TNKS1BP1: variants seen among roughly 807,000 people sequenced by gnomAD.
TNKS1BP1 encodes the protein CCR4-NOT transcription complex subunit 12, also known as 182 kDa tankyrase-1-binding protein.
Under a neutral mutation model 141.1 loss-of-function variants are expected in TNKS1BP1, and 48 were observed. The observed-to-expected ratio is 0.34, with a 90% CI of 0.27 to 0.43. TNKS1BP1 has a LOEUF of 0.43. TNKS1BP1 is among the 20% of genes least tolerant of loss of function. TNKS1BP1 has a pLI of 1.00. For synonymous variants in TNKS1BP1, 875 were observed against 898.2 expected, an observed-to-expected ratio of 0.97 and a Z score of 0.46; for missense variants, 2,149 against 2,226.0, an observed-to-expected ratio of 0.97 and a Z score of 0.70.
rs1222588314 is a variant in TNKS1BP1 at position 57,317,905 on chromosome 11, A to G, written c.729-18T>C. The G allele has an allele frequency of 6.2e-7, 1 of 1,611,692 alleles. No homozygotes were observed. The highest frequency in any genetic ancestry group is 2.2e-5 in the East Asian group (1 of 44,802). On this transcript the variant is annotated intron_variant, in intron 3 of 11. Coordinates refer to ENST00000358252, the MANE Select transcript of TNKS1BP1 (RefSeq NM_033396.3). ...GAAGGCTCCTGTGAGGGACGAGGAC[A>G]GGAAATGGAAGCACGGAATGTTAGA...
intron 6 of TNKS1BP1, among the ~76,000 whole-genome samples, chr11:57,307,333 A>G (rs1311392225): frequency 2.0e-5 from 3 of 152,032 alleles, no homozygotes; most frequent in East Asian, 3.9e-4. Context: ...GCAGTCCTCA[A>G]TGCAGCCTCA....
In TNKS1BP1 at chr11:57,309,382, C is replaced by T. The variant is rs779732394; in HGVS notation, c.3329G>A (p.Ser1110Asn). ...AAFSPGQQDW[S>N]RDFCIEASER... ...ACTGGCCTCGATGCAGAAGTCCCGGCTCCAGTCCTGCTGCCCTGGGCTAAA... is the reference window on the plus strand; with the variant it reads ...ACTGGCCTCGATGCAGAAGTCCCGGTTCCAGTCCTGCTGCCCTGGGCTAAA... The change falls in exon 6 of 12, where the codon AGC (serine) becomes AAC (asparagine). Residue 1110 changes from serine to asparagine, a missense_variant. Physicochemically the swap from Ser to Asn is conservative, Grantham distance 46. Coordinates refer to ENST00000358252, the MANE Select transcript of TNKS1BP1 (RefSeq NM_033396.3). This position sits in a 1 kb window ranked among gnomAD's most constrained non-coding sequence, Gnocchi z 4.3. 3 of 1,614,192 alleles carry T rather than the reference C, an allele frequency of 1.9e-6. No individual in the cohort carries two copies. The South Asian group carries it at 3.3e-5, about 18-fold the overall frequency.
chr11:57,322,039 CAG>C (rs1855895449), intron 1 of TNKS1BP1, 89 bp from the exon 2 acceptor site: 1 of 944,676 alleles, frequency 1.1e-6, no homozygotes, highest in Non-Finnish European at 1.4e-6. Context: ...CTAACAGAGG[CAG>C]AGTGTGGGAC....
Position 57,317,896 on chromosome 11 carries a change from G to T in TNKS1BP1, c.729-9C>A. On this transcript the variant is annotated splice_polypyrimidine_tract_variant and intron_variant, in intron 3 of 11. Transcript: ENST00000358252. ...GGTCGGAAGGAAGGCTCCTGTGAGGGACGAGGACAGGAAATGGAAGCACGG... is the reference window on the plus strand; with the variant it reads ...GGTCGGAAGGAAGGCTCCTGTGAGGTACGAGGACAGGAAATGGAAGCACGG... The T allele has an allele frequency of 1.2e-6, 2 of 1,613,392 alleles. No individual in the cohort carries two copies. The highest frequency in any genetic ancestry group is 1.7e-6 in the Non-Finnish European group (2 of 1,179,450).
In TNKS1BP1 at chr11:57,308,382, C is replaced by T. The variant is rs748376655; in HGVS notation, c.4316+13G>A. Reference sequence around the variant, plus strand: ...GTTCCCTCCCACACTTGGGATGGGGCTCCGTTCATTACCTTGCTCCGAAGC... The same window carrying T: ...GTTCCCTCCCACACTTGGGATGGGGTTCCGTTCATTACCTTGCTCCGAAGC... On this transcript the variant is annotated intron_variant, in intron 6 of 11. Coordinates refer to ENST00000358252, the MANE Select transcript of TNKS1BP1 (RefSeq NM_033396.3). The T allele has an allele frequency of 6.2e-7, 1 of 1,602,164 alleles. No individual in the cohort carries two copies. Among genetic ancestry groups the T allele is most frequent in the Non-Finnish European group, 8.5e-7 (1 of 1,171,740 alleles).
intron 6 of TNKS1BP1, among the ~76,000 whole-genome samples, chr11:57,306,916 T>TGGGG (rs1189050190): frequency 4.7e-3 from 54 of 11,372 alleles, no homozygotes; most frequent in Admixed American, 8.7e-3. Flanking sequence ...GGGGGGGGGT[T>TGGGG]GGGTGGGAGG....
rs762418585 is a variant in TNKS1BP1, at chr11:57,313,432, C to A, written c.1256G>T (p.Arg419Leu). The part of the protein sequence containing the change: ...EEEAKGDAHL[R>L]PTSLVQRRFS... ...TCGGCGCTGAACCAGGCTGGTGGGG[C>A]GGAGGTGTGCGTCACCCTTGGCCTC... Residue 419 changes from arginine (R) to leucine (L), a missense_variant, in exon 5 of 12, where the codon CGC becomes CTC. Transcript: ENST00000358252. 6.2e-7 allele frequency: 1 copy of A among 1,608,460 alleles called. No homozygotes were observed. The highest frequency in any genetic ancestry group is 2.2e-5 in the East Asian group (1 of 44,774).
chr11:57,322,493 GC>G (rs1173246691), intron 1 of TNKS1BP1, among the ~76,000 whole-genome samples: 2 of 151,274 alleles, frequency 1.3e-5, no homozygotes, highest in Non-Finnish European at 2.9e-5. Flanking sequence ...CCACATCCCT[GC>G]CCCACTCTCT....
At chr11:57,301,331 T>C (rs1187920260) in intron 9 of TNKS1BP1, among the ~76,000 whole-genome samples, 2 of 152,080 alleles carry the variant, frequency 1.3e-5, no homozygotes, top group Non-Finnish European at 2.9e-5. Context: ...CTGCCTGCAA[T>C]GCCACCCCAC....
intron 4 of TNKS1BP1, among the ~76,000 whole-genome samples, chr11:57,315,613 C>T (rs1178873392): frequency 2.0e-5 from 3 of 152,036 alleles, no homozygotes. Context: ...CCATTCACTC[C>T]ATGACTCTCC....
intron 6 of TNKS1BP1, among the ~76,000 whole-genome samples, chr11:57,307,439 C>A (rs1855630473): frequency 2.0e-5 from 3 of 152,080 alleles, no homozygotes; most frequent in South Asian, 4.2e-4. Flanking sequence ...CTGGGCCCAT[C>A]TTCCTCTCTC....
In TNKS1BP1 at chr11:57,301,903, T is replaced by G; in HGVS notation, c.4875A>C (p.Val1625=). ...ASRVPSSDEE[V]VEEPQSRRTR... The stretch of plus-strand genomic sequence containing the variant: ...TCCGGCGGCTCTGAGGTTCCTCCAC[T>G]ACCTCTTCATCTGAAGATGGCACCC... Residue 1625 remains valine (V), a synonymous_variant, in exon 9 of 12, where the codon GTA becomes GTC. Transcript: ENST00000358252. 1 of 1,613,972 alleles carries G rather than the reference T, an allele frequency of 6.2e-7. No homozygotes were observed. The highest frequency in any genetic ancestry group is 8.5e-7 in the Non-Finnish European group (1 of 1,179,974).
chr11:57,302,363 C>A lies in TNKS1BP1; in HGVS notation c.4683+96G>T. The A allele has an allele frequency of 6.5e-7, 1 of 1,540,476 alleles. No homozygotes were observed. The highest frequency in any genetic ancestry group is 8.8e-7 in the Non-Finnish European group (1 of 1,141,696). On this transcript the variant is annotated intron_variant, in intron 7 of 11. Transcript: ENST00000358252. This position sits in a 1 kb window ranked among gnomAD's most constrained non-coding sequence, Gnocchi z 5.5. Reference sequence around the variant, plus strand: ...TGACGCACCTACAACCCGCTTTCTGCCTCCTGGACTGGGACTGCTCAGGGA... The same window carrying A: ...TGACGCACCTACAACCCGCTTTCTGACTCCTGGACTGGGACTGCTCAGGGA...
In TNKS1BP1 at chr11:57,312,668, C is replaced by T. The variant is rs140956143; in HGVS notation, c.2020G>A (p.Glu674Lys). 1.3e-3 allele frequency: 2,080 copies of T among 1,585,532 alleles called. 13 individuals carry two copies. Among genetic ancestry groups the T allele is most frequent in the Admixed American group, 8.0e-4 (45 of 56,448 alleles). Residue 674 changes from glutamate to lysine, a missense_variant, in exon 5 of 12, where the codon GAG becomes AAG. Glu to Lys is a moderately conservative substitution (Grantham distance 56, BLOSUM62 1). Coordinates refer to ENST00000358252, the MANE Select transcript of TNKS1BP1 (RefSeq NM_033396.3). ...EAQDLCRASP[E>K]PPGPESSSRW... is the part of the protein sequence containing the mutation. ...GAGCTGCTTTCAGGGCCTGGAGGCT[C>T]GGGGGATGCCCTACACAAGTCTTGA...
At position 57,300,956 on chromosome 11, in the gene TNKS1BP1, C is replaced by T. The variant is rs375731037; in HGVS notation, c.5057G>A (p.Arg1686His). The T allele has an allele frequency of 2.5e-6, 4 of 1,614,118 alleles. No homozygotes were observed. The highest frequency in any genetic ancestry group is 3.3e-5 in the Admixed American group (2 of 60,010). Residue 1686 changes from arginine to histidine, a missense_variant, in exon 10 of 12, where the codon CGT becomes CAT. Transcript: ENST00000358252. Reference protein sequence around the residue: ...KSSQKESAVQRSKSCKVPGLG... With the variant: ...KSSQKESAVQHSKSCKVPGLG... ...TCCTGGGACCTTGCAGGATTTCGAA[C>T]GCTGGACCGCGGACTCCTTCTGGCT...
intron 6 of TNKS1BP1, chr11:57,303,508 C>G (rs562290607): frequency 1.3e-5 from 2 of 153,282 alleles, no homozygotes; most frequent in Non-Finnish European, 2.9e-5. Context: ...CCGCCTCAGC[C>G]CTACCAGCCC....
chr11:57,306,015 T>C (rs1855603892), intron 6 of TNKS1BP1, among the ~76,000 whole-genome samples: 1 of 152,120 alleles, frequency 6.6e-6, no homozygotes, highest in African/African-American at 2.4e-5. Flanking sequence ...GGCTCATGCC[T>C]GTAATCCCAG....
At chr11:57,300,753 G>A (rs561331906) in intron 10 of TNKS1BP1, 131 bp downstream of exon 10, 24 of 1,487,102 alleles carry the variant, frequency 1.6e-5, no homozygotes, top group African/African-American at 1.1e-4. Flanking sequence ...TCTTCATACC[G>A]TTCATCTGGG....
At chr11:57,320,020 C>CCCCCACCCCA in intron 3 of TNKS1BP1, 59 bp downstream of exon 3, 8 of 1,213,892 alleles carry the variant, frequency 6.6e-6, no homozygotes, top group East Asian at 3.0e-5. Context: ...AGCCCCCACC[C>CCCCCACCCCA]AATCCCACCC....
Sources: allele counts gnomAD v4.1 joint callset (sites outside exome capture counted in the v4.1 genomes callset), GRCh38; gene constraint gnomAD v4.1.1; non-coding constraint Gnocchi (gnomAD v3.1); transcripts MANE v1.5; gene names NCBI Gene and HGNC (gene_info 2026-07-23, HGNC 2026-07-21).